Variants in AGTPBP1 observed in about 807,000 individuals in gnomAD.
AGTPBP1 encodes cytosolic carboxypeptidase 1.
In AGTPBP1, 70 loss-of-function variants were observed where a neutral mutation model predicts 143.9. That is an observed-to-expected ratio of 0.49 (90% CI 0.40 to 0.59). The LOEUF is 0.59. Among genes scored for constraint, AGTPBP1 ranks in the 20% least tolerant of loss-of-function variants. The probability of loss-of-function intolerance (pLI) is 0.00; values close to 1 mark genes in which losing one functional copy is unlikely to be tolerated. For synonymous variants in AGTPBP1, 463 were observed against 500.2 expected, an observed-to-expected ratio of 0.93 and a Z score of 0.99; for missense variants, 1,229 against 1,464.5, an observed-to-expected ratio of 0.84 and a Z score of 2.62.
intron 14 of AGTPBP1, among the ~76,000 whole-genome samples, chr9:85,623,735 C>T (rs1256545549): frequency 2.7e-5 from 4 of 146,586 alleles, no homozygotes; most frequent in African/African-American, 7.6e-5. Context: ...CCAGCCTGGG[C>T]GACAGAGCGA....
chr9:85,717,855 A>C (rs962256006), intron 1 of AGTPBP1, among the ~76,000 whole-genome samples: 1 of 148,556 alleles, frequency 6.7e-6, no homozygotes. Flanking sequence ...CAGGCCGTGG[A>C]GTGTGATGTT....
the AGTPBP1 span, among the ~76,000 whole-genome samples, chr9:85,803,716 C>T: frequency 6.6e-6 from 1 of 152,224 alleles, no homozygotes; most frequent in Non-Finnish European, 1.5e-5. Flanking sequence ...GCTCAGTCCT[C>T]TTTCCCATAT....
intron 8 of AGTPBP1, among the ~76,000 whole-genome samples, chr9:85,665,377 C>T (rs886946843): frequency 2.0e-5 from 3 of 152,170 alleles, no homozygotes; most frequent in Non-Finnish European, 4.4e-5. Context: ...AGGAAGGATG[C>T]TCCCTTCCAG....
At chr9:85,657,986 C>T (rs1833635186) in intron 9 of AGTPBP1, among the ~76,000 whole-genome samples, 1 of 151,954 alleles carries the variant, frequency 6.6e-6, no homozygotes, top group African/African-American at 2.4e-5. Flanking sequence ...TTTTGTTACA[C>T]CAAATGAAAT....
chr9:85,670,839 C>G (rs1834435298), intron 7 of AGTPBP1, among the ~76,000 whole-genome samples: 1 of 152,190 alleles, frequency 6.6e-6, no homozygotes, highest in African/African-American at 2.4e-5. Context: ...CTGTTTATTA[C>G]TCCGTTATCC....
intron 14 of AGTPBP1, among the ~76,000 whole-genome samples, chr9:85,625,928 A>C (rs1217798020): frequency 8.6e-6 from 1 of 115,742 alleles, no homozygotes; most frequent in South Asian, 2.8e-4. Flanking sequence ...TTTTTTTAGG[A>C]TATATGAAAA....
chr9:85,759,197 T>C, the AGTPBP1 span, among the ~76,000 whole-genome samples: 307 of 152,218 alleles, frequency 2.0e-3, 1 homozygote, highest in Non-Finnish European at 3.3e-3. Flanking sequence ...CCACTGTCAA[T>C]ATTAGACAGA....
chr9:85,774,407 C>T, the AGTPBP1 span, among the ~76,000 whole-genome samples: 3 of 151,878 alleles, frequency 2.0e-5, no homozygotes, highest in African/African-American at 7.3e-5. Context: ...AGTTATTTTC[C>T]ACTCACAAAA....
At chr9:85,679,666 C>T (rs1448831271) in intron 4 of AGTPBP1, among the ~76,000 whole-genome samples, 1 of 152,180 alleles carries the variant, frequency 6.6e-6, no homozygotes, top group East Asian at 1.9e-4. Flanking sequence ...TCTCGGCCTC[C>T]CAAAGTGCTG....
intron 3 of AGTPBP1, among the ~76,000 whole-genome samples, chr9:85,688,892 AAT>A (rs1835664664): frequency 6.6e-6 from 1 of 152,232 alleles, no homozygotes; most frequent in South Asian, 2.1e-4. Flanking sequence ...CTATTCCATC[AAT>A]ATAGCTACTG....
intron 14 of AGTPBP1, 79 bp downstream of exon 14, chr9:85,632,583 G>T (rs897822432): frequency 7.2e-6 from 9 of 1,242,286 alleles, no homozygotes; most frequent in Middle Eastern, 2.0e-4. Flanking sequence ...CTTCCTAAAT[G>T]CCCAAAGTAA....
In AGTPBP1 at chr9:85,601,814, C is replaced by T. The variant is rs1261563201; in HGVS notation, c.2336-5365G>A. Among the ~76,000 whole-genome samples the T allele has an allele frequency of 2.0e-5, 3 of 152,186 alleles. No individual in the cohort carries two copies. In the East Asian group the frequency reaches 5.8e-4, roughly 29 times the overall value. ...AGGAATCTTTGGCCTGCTGTTGCCA[C>T]CACTGGTGCCCAAGGAATGGCCGAC... On this transcript the variant is annotated intron_variant, in intron 17 of 25. Coordinates refer to ENST00000357081, the MANE Select transcript of AGTPBP1 (RefSeq NM_001330701.2).
chr9:85,708,053 A>C (rs977752490), intron 2 of AGTPBP1, among the ~76,000 whole-genome samples: 1 of 152,186 alleles, frequency 6.6e-6, no homozygotes, highest in Non-Finnish European at 1.5e-5. Flanking sequence ...CCCAGAACTC[A>C]AAGTATAATA....
At chr9:85,563,255 TGTAAGA>T (rs1405282850) in intron 25 of AGTPBP1, among the ~76,000 whole-genome samples, 2 of 152,116 alleles carry the variant, frequency 1.3e-5, no homozygotes, top group African/African-American at 4.8e-5. Flanking sequence ...GAGTAAAAGC[TGTAAGA>T]GTATGGAGGT....
rs548923060 is a variant in AGTPBP1, at chr9:85,720,184, T to A, written c.-33-7618A>T. ...GATGACGCTGGCCTCATAAAATGAGTTAGGGAGGATTCCCTCTTTTTCTAT... is the reference window on the plus strand; with the variant it reads ...GATGACGCTGGCCTCATAAAATGAGATAGGGAGGATTCCCTCTTTTTCTAT... On this transcript the variant is annotated intron_variant, in intron 1 of 25. Transcript: ENST00000357081. Among the ~76,000 whole-genome samples, 7 of 152,358 alleles carry A rather than the reference T, an allele frequency of 4.6e-5. No individual in the cohort carries two copies. In the South Asian group the frequency reaches 1.2e-3, roughly 27 times the overall value.
the AGTPBP1 span, among the ~76,000 whole-genome samples, chr9:85,776,485 T>C: frequency 2.6e-5 from 4 of 152,366 alleles, no homozygotes; most frequent in African/African-American, 9.6e-5. Flanking sequence ...CTGACTGGAA[T>C]GGGCTGTTGT....
chr9:85,588,485 T>C lies in AGTPBP1; in HGVS notation c.2723-7A>G. 2 of 1,606,620 alleles carry C rather than the reference T, an allele frequency of 1.2e-6. No homozygotes were observed. Among genetic ancestry groups the C allele is most frequent in the Non-Finnish European group, 8.5e-7 (1 of 1,178,030 alleles). On this transcript the variant is annotated splice_polypyrimidine_tract_variant and splice_region_variant and intron_variant, in intron 20 of 25. Coordinates refer to ENST00000357081, the MANE Select transcript of AGTPBP1 (RefSeq NM_001330701.2). Reference sequence around the variant, plus strand: ...AAAACGTAAGGGCGATTTCCTAAAGTACACATAAAATCTCAAATTAAAATG... The same window carrying C: ...AAAACGTAAGGGCGATTTCCTAAAGCACACATAAAATCTCAAATTAAAATG...
intron 20 of AGTPBP1, 126 bp downstream of exon 20, chr9:85,589,402 G>A (rs992454570): frequency 1.6e-6 from 2 of 1,240,704 alleles, no homozygotes; most frequent in Non-Finnish European, 2.2e-6. Context: ...GATAATAGCA[G>A]GGCCAAGACT....
the AGTPBP1 span, among the ~76,000 whole-genome samples, chr9:85,763,644 A>T: frequency 2.0e-5 from 3 of 152,024 alleles, no homozygotes; most frequent in African/African-American, 7.3e-5. Context: ...GATGGGAAGT[A>T]GAGTAGGTAT....
Sources: gnomAD v4.1 joint callset for allele counts (sites outside exome capture counted in the v4.1 genomes callset) on GRCh38, gnomAD v4.1.1 for gene constraint, MANE v1.5 for transcripts, NCBI Gene and HGNC (gene_info 2026-07-23, HGNC 2026-07-21) for gene names.